TRIM14: variants seen among roughly 807,000 people sequenced by gnomAD.
TRIM14 encodes tripartite motif containing 14, also known as tripartite motif-containing protein 14.
A neutral mutation model predicts 44.5 loss-of-function variants in TRIM14; 28 were observed. The ratio of observed to expected loss-of-function variants is 0.63; its 90% confidence interval spans 0.47 to 0.86. The LOEUF is 0.86. TRIM14 is among the 40% of genes least tolerant of loss of function. The pLI, the probability that TRIM14 is intolerant of heterozygous loss-of-function variation, is 0.00. For missense variants in TRIM14, 607 were observed against 611.1 expected (o/e 0.99, Z 0.07); for synonymous variants, 299 against 269.2 (o/e 1.11, Z -1.08).
At position 98,103,836 on chromosome 9, in the gene TRIM14, CAA is replaced by C. The variant is rs60368742; in HGVS notation, c.304-3674_304-3673del. ...CTGGCAACAGAGCGAGACTCCGTCT[CAA>C]AAAAAAAAAAAAAAAAAATTAAACA... On this transcript the variant is annotated intron_variant, in intron 2 of 5. Coordinates refer to ENST00000341469, the MANE Select transcript of TRIM14 (RefSeq NM_014788.4). Among the ~76,000 whole-genome samples the C allele has an allele frequency of 7.5e-3, 556 of 74,548 alleles. 6 individuals are homozygous for C. Among genetic ancestry groups the C allele is most frequent in the African/African-American group, 0.026 (506 of 19,678 alleles). The allele number at this position is 74,548 out of a possible 152,430, so 48.9% of individuals were successfully genotyped here. A position where few individuals can be genotyped will look rare whatever the true frequency, so the allele number is the denominator to read the frequency against.
chr9:98,039,940 G>A, the TRIM14 span, among the ~76,000 whole-genome samples: 1 of 152,132 alleles, frequency 6.6e-6, no homozygotes, highest in African/African-American at 2.4e-5. Context: ...AATTGACACT[G>A]TCTAGCAGCG....
At chr9:98,059,041 C>G in the TRIM14 span, among the ~76,000 whole-genome samples, 1 of 147,294 alleles carries the variant, frequency 6.8e-6, no homozygotes, top group South Asian at 2.2e-4. Flanking sequence ...TTTTTTTTTT[C>G]AAGACGGAGT....
the TRIM14 span, among the ~76,000 whole-genome samples, chr9:98,055,818 A>G: frequency 6.6e-6 from 1 of 151,684 alleles, no homozygotes; most frequent in African/African-American, 2.4e-5. Flanking sequence ...GCTCACTGCA[A>G]CCTCCACCTC....
rs774407765 is a variant in TRIM14, at chr9:98,104,241, A to G, written c.304-4077T>C. Among the ~76,000 whole-genome samples, 3 of 152,366 alleles carry G rather than the reference A, an allele frequency of 2.0e-5. No individual in the cohort carries two copies. The South Asian group carries it at 6.2e-4, about 32-fold the overall frequency. On this transcript the variant is annotated intron_variant, in intron 2 of 5. Transcript: ENST00000341469. Reference sequence around the variant, plus strand: ...TGAATGATCAAATGAAGAAAATAAAATGTATTTCAAACTCTTGATTTATGA... The same window carrying G: ...TGAATGATCAAATGAAGAAAATAAAGTGTATTTCAAACTCTTGATTTATGA...
chr9:98,045,502 G>A, the TRIM14 span, among the ~76,000 whole-genome samples: 1 of 152,204 alleles, frequency 6.6e-6, no homozygotes, highest in Admixed American at 6.5e-5. Flanking sequence ...TAAGACAAAT[G>A]CTGAGCTGTA....
intron 2 of TRIM14, 112 bp from the exon 3 acceptor site, chr9:98,100,276 G>T: frequency 1.1e-6 from 1 of 914,656 alleles, no homozygotes; most frequent in Non-Finnish European, 1.7e-6. Flanking sequence ...AAAGTGGCCA[G>T]TCAGACACAA....
the TRIM14 span, among the ~76,000 whole-genome samples, chr9:98,053,749 C>T: frequency 2.0e-5 from 3 of 151,856 alleles, no homozygotes; most frequent in Admixed American, 6.6e-5. Context: ...AAGAACGGAG[C>T]GGCCTTTGAT....
At chr9:98,099,786 G>A in intron 3 of TRIM14, 145 bp downstream of exon 3, 1 of 676,296 alleles carries the variant, frequency 1.5e-6, no homozygotes, top group Non-Finnish European at 2.5e-6. Context: ...TTGACCACCT[G>A]TGTGGGGGCA....
chr9:98,056,669 T>G, the TRIM14 span: 4 of 1,311,548 alleles, frequency 3.0e-6, no homozygotes, highest in East Asian at 8.7e-5. Context: ...CCTAGGGGAT[T>G]GGCTGCCCGG....
chr9:98,114,375 C>T (rs895420020), intron 1 of TRIM14, among the ~76,000 whole-genome samples: 2 of 152,216 alleles, frequency 1.3e-5, no homozygotes, highest in Non-Finnish European at 2.9e-5. Flanking sequence ...ATTCTGTCGC[C>T]CAGGCTGGAG....
chr9:98,087,752 G>A lies in TRIM14; in HGVS notation c.1047C>T (p.Ala349=), dbSNP rs774629768. 4 of 1,543,844 alleles carry A rather than the reference G, an allele frequency of 2.6e-6. No homozygotes were observed. Among genetic ancestry groups the A allele is most frequent in the Non-Finnish European group, 1.7e-6 (2 of 1,155,270 alleles). Reference sequence around the variant, plus strand: ...TGCAGCCCAGGCGGGCGGCGGCCGAGGCCCCGCGGCGCCGAAGGGAGGCGT... The same window carrying A: ...TGCAGCCCAGGCGGGCGGCGGCCGAAGCCCCGCGGCGCCGAAGGGAGGCGT... ...AAYASLRRRG[A]SAAARLGCNR... The change falls in exon 6 of 6, where the codon GCC becomes GCT. Residue 349 remains alanine, a synonymous_variant. Coordinates refer to ENST00000341469, the MANE Select transcript of TRIM14 (RefSeq NM_014788.4).
intron 4 of TRIM14, among the ~76,000 whole-genome samples, chr9:98,093,053 T>C (rs1449732530): frequency 6.6e-6 from 1 of 152,234 alleles, no homozygotes; most frequent in East Asian, 1.9e-4. Context: ...TACCACCACA[T>C]GGGAAGTCCA....
chr9:98,111,954 A>G (rs1826870758), intron 1 of TRIM14, among the ~76,000 whole-genome samples: 1 of 152,156 alleles, frequency 6.6e-6, no homozygotes, highest in Non-Finnish European at 1.5e-5. Flanking sequence ...CAAACAAACA[A>G]AAATTGTTTT....
At chr9:98,104,300 C>A (rs889699245) in intron 2 of TRIM14, among the ~76,000 whole-genome samples, 4 of 152,168 alleles carry the variant, frequency 2.6e-5, no homozygotes, top group African/African-American at 9.7e-5. Context: ...ACACAGAGGA[C>A]CTTTGCAGAG....
chr9:98,056,606 G>A, the TRIM14 span: 3 of 712,894 alleles, frequency 4.2e-6, no homozygotes, highest in East Asian at 3.4e-5. Flanking sequence ...CCTTCCCGCG[G>A]GAGGCCCCGC....
At chr9:98,050,994 G>A in the TRIM14 span, among the ~76,000 whole-genome samples, 1 of 152,056 alleles carries the variant, frequency 6.6e-6, no homozygotes, top group Non-Finnish European at 1.5e-5. Flanking sequence ...GGACGATCTC[G>A]AACTCCTGGC....
the TRIM14 span, among the ~76,000 whole-genome samples, chr9:98,056,554 C>G: frequency 6.6e-6 from 1 of 152,088 alleles, no homozygotes. Flanking sequence ...TCAAGCCTCG[C>G]ACAGGAGAGG....
the TRIM14 span, among the ~76,000 whole-genome samples, chr9:98,051,715 A>G: frequency 6.6e-6 from 1 of 152,190 alleles, no homozygotes; most frequent in South Asian, 2.1e-4. Flanking sequence ...AGGCAAAAAC[A>G]GATCCCCAAA....
chr9:98,115,793 G>A (rs570203566), intron 1 of TRIM14: 2 of 152,256 alleles, frequency 1.3e-5, no homozygotes, highest in African/African-American at 4.8e-5. Context: ...TTTTACCAAG[G>A]CTTTGACTGA....
Sources: gnomAD v4.1 joint callset for allele counts (sites outside exome capture counted in the v4.1 genomes callset) on GRCh38, gnomAD v4.1.1 for gene constraint, MANE v1.5 for transcripts, NCBI Gene and HGNC (gene_info 2026-07-23, HGNC 2026-07-21) for gene names.